ZNF441: variants seen among roughly 807,000 people sequenced by gnomAD.
ZNF441 encodes the protein zinc finger protein 441.
In ZNF441, 25 loss-of-function variants were observed where a neutral mutation model predicts 64.5. The ratio of observed to expected loss-of-function variants is 0.39; its 90% CI spans 0.28 to 0.54. ZNF441 has a LOEUF of 0.54. Ranked by LOEUF, ZNF441 falls within the 20% of genes least tolerant of loss-of-function variation. The pLI, the probability that ZNF441 is intolerant of heterozygous loss-of-function variation, is 0.70. For missense variants in ZNF441, 715 were observed against 843.3 expected (o/e 0.85, Z 1.88); for synonymous variants, 262 against 268.0 (o/e 0.98, Z 0.22).
At chr19:11,773,710 G>T (rs565037890) in intron 1 of ZNF441, among the ~76,000 whole-genome samples, 3 of 152,064 alleles carry the variant, frequency 2.0e-5, no homozygotes, top group African/African-American at 7.2e-5. Context: ...TATCTCCATC[G>T]TGTGTAATTT....
Position 11,767,188 on chromosome 19 carries a change from C to G in ZNF441, c.-6C>G, listed in dbSNP as rs1568478765. 6.4e-7 allele frequency: 1 copy of G among 1,559,532 alleles called. No homozygotes were observed. Among genetic ancestry groups the G allele is most frequent in the Non-Finnish European group, 8.7e-7 (1 of 1,151,760 alleles). On this transcript the variant is annotated 5_prime_UTR_variant, in exon 1 of 4. Transcript: ENST00000357901. The surrounding 1 kb of genome is among the most constrained non-coding windows in gnomAD (Gnocchi z 5.1). ...AGGGAGGAACCTGGACGCCGGAAGC[C>G]GGGAAATGGTGAGTGTGTGAGGTCT...
rs757462107 is a variant in ZNF441 at position 11,781,749 on chromosome 19, C to A, written c.1925C>A (p.Pro642Gln). 6.2e-7 allele frequency: 1 copy of A among 1,613,966 alleles called. No individual in the cohort carries two copies. The stretch of plus-strand genomic sequence containing the variant: ...GAAAGAGTTCATACTGGAGAGAAGC[C>A]GTATAAATGTAAGGAATGTGGGAAA... ...IHERVHTGEK[P>Q]YKCKECGKPF... The change falls in exon 4 of 4, where the codon CCG becomes CAG. Residue 642 changes from proline (P) to glutamine (Q), a missense_variant. Physicochemically the swap from Pro to Gln is moderately conservative, Grantham distance 76 (BLOSUM62 -1). Transcript: ENST00000357901.
chr19:11,782,956 T>C lies in ZNF441; in HGVS notation c.*1050T>C, dbSNP rs1975415754. 6.6e-6 allele frequency: 1 copy of C among 152,134 alleles called. No homozygotes were observed. The highest frequency in any genetic ancestry group is 2.4e-5 in the African/African-American group (1 of 41,430). 9.4% of individuals were successfully genotyped at this position (152,134 alleles called of 1,614,324 possible). A position where few individuals can be genotyped will look rare whatever the true frequency, so the allele number is the denominator to read the frequency against. ...AGATAAAAATAGACAAATGAGACTA[T>C]CTTACACTAAAAAGTAGCTGTGCAA... On this transcript the variant is annotated 3_prime_UTR_variant, in exon 4 of 4. Coordinates refer to ENST00000357901, the MANE Select transcript of ZNF441 (RefSeq NM_152355.3).
At chr19:11,779,869 C>T (rs1975384330) in intron 3 of ZNF441, 150 bp from the exon 4 acceptor site, 2 of 677,966 alleles carry the variant, frequency 3.0e-6, no homozygotes, top group Admixed American at 6.0e-5. Context: ...TGAGATCACA[C>T]CACTACACTC....
At chr19:11,769,411 G>A (rs1975295856) in intron 1 of ZNF441, among the ~76,000 whole-genome samples, 1 of 152,158 alleles carries the variant, frequency 6.6e-6, no homozygotes, top group African/African-American at 2.4e-5. Context: ...ACCTTAAGTA[G>A]ATGCTCTTGT....
At chr19:11,773,632 T>C (rs1025318863) in intron 1 of ZNF441, among the ~76,000 whole-genome samples, 1 of 152,208 alleles carries the variant, frequency 6.6e-6, no homozygotes. Context: ...TTTCATGATC[T>C]GTGTTTATGG....
At position 11,781,641 on chromosome 19, in the gene ZNF441, A is replaced by G. The variant is rs575141619; in HGVS notation, c.1817A>G (p.Glu606Gly). The change falls in exon 4 of 4, where the codon GAA becomes GGA. Residue 606 changes from glutamate (E) to glycine (G), a missense_variant. Glu to Gly is a moderately conservative substitution (Grantham distance 98, BLOSUM62 -2). Transcript: ENST00000357901. ...FDYPSSVQRH[E>G]RTHTGEKPYE... ...TATCCCAGTTCAGTGCAAAGACATG[A>G]AAGAACTCACACTGGAGAGAAACCC... The G allele has an allele frequency of 6.2e-7, 1 of 1,614,160 alleles. No individual in the cohort carries two copies. The highest frequency in any genetic ancestry group is 8.5e-7 in the Non-Finnish European group (1 of 1,180,002).
At chr19:11,773,173 A>G (rs1454677347) in intron 1 of ZNF441, among the ~76,000 whole-genome samples, 1 of 152,090 alleles carries the variant, frequency 6.6e-6, no homozygotes, top group South Asian at 2.1e-4. Flanking sequence ...ACATTGCAAT[A>G]TTTACATTTG....
chr19:11,770,859 G>A (rs1301800644), intron 1 of ZNF441, among the ~76,000 whole-genome samples: 4 of 151,382 alleles, frequency 2.6e-5, no homozygotes, highest in Non-Finnish European at 5.9e-5. Context: ...AAAGTGCTGG[G>A]ATTACATGTG....
At chr19:11,774,931 A>T (rs1418650160) in intron 1 of ZNF441, among the ~76,000 whole-genome samples, 1 of 152,126 alleles carries the variant, frequency 6.6e-6, no homozygotes, top group Non-Finnish European at 1.5e-5. Flanking sequence ...GGAAGGTTTT[A>T]ATTATTCATT....
chr19:11,775,451 T>A (rs1975346723), intron 1 of ZNF441, among the ~76,000 whole-genome samples: 1 of 151,924 alleles, frequency 6.6e-6, no homozygotes, highest in Non-Finnish European at 1.5e-5. Flanking sequence ...TGCCTCAGCC[T>A]CCCGAGTACC....
At position 11,767,398 on chromosome 19, in the gene ZNF441, G is replaced by A. The variant is rs1048552116; in HGVS notation, c.3+202G>A. ...TGTCCCGTCCCTGCGCGGCCACTGC[G>A]GCCCTGGCCCTGGAGGCCTGTCTGG... On this transcript the variant is annotated intron_variant, in intron 1 of 3. Transcript: ENST00000357901. This position sits in a 1 kb window ranked among gnomAD's most constrained non-coding sequence, Gnocchi z 5.1. Among the ~76,000 whole-genome samples the A allele has an allele frequency of 1.6e-4, 24 of 152,232 alleles. No individual in the cohort carries two copies. The highest frequency in any genetic ancestry group is 5.1e-4 in the African/African-American group (21 of 41,462).
Position 11,767,014 on chromosome 19 carries a change from C to A in ZNF441, c.-180C>A. On this transcript the variant is annotated 5_prime_UTR_variant, in exon 1 of 4. The change creates a new upstream start codon in the 5' untranslated region. Coordinates refer to ENST00000357901, the MANE Select transcript of ZNF441 (RefSeq NM_152355.3). This position sits in a 1 kb window ranked among gnomAD's most constrained non-coding sequence, Gnocchi z 5.1. ...TCGTGAGAACTGTCAATCAGGCGCA[C>A]TGACCGGAGGAGGGTGCAAGGTTCA... 2.3e-6 allele frequency: 2 copies of A among 859,324 alleles called. No homozygotes were observed. The highest frequency in any genetic ancestry group is 1.8e-6 in the Non-Finnish European group (1 of 558,714). 53.2% of individuals were successfully genotyped at this position (859,324 alleles called of 1,614,324 possible). A position where few individuals can be genotyped will look rare whatever the true frequency, so the allele number is the denominator to read the frequency against.
intron 1 of ZNF441, among the ~76,000 whole-genome samples, chr19:11,769,876 A>G (rs937588697): frequency 2.6e-5 from 4 of 152,002 alleles, no homozygotes; most frequent in Non-Finnish European, 5.9e-5. Context: ...GTGTTTCACC[A>G]TGTTAGCCAA....
rs1304309200 is a variant in ZNF441, at chr19:11,780,582, A to G, written c.758A>G (p.Gln253Arg). 2 of 1,614,084 alleles carry G rather than the reference A, an allele frequency of 1.2e-6. No individual in the cohort carries two copies. Among genetic ancestry groups the G allele is most frequent in the Admixed American group, 1.7e-5 (1 of 60,012 alleles). The stretch of plus-strand genomic sequence containing the variant: ...ACACACAGTGGAGAGAAACCCTATC[A>G]ATGTAAACAATGTGGGAAAGCCTTC... ...ERTHSGEKPY[Q>R]CKQCGKAFSC... The change falls in exon 4 of 4, where the codon CAA becomes CGA. Residue 253 changes from glutamine (Q) to arginine (R), a missense_variant. Coordinates refer to ENST00000357901, the MANE Select transcript of ZNF441 (RefSeq NM_152355.3).
rs1975387776 is a variant in ZNF441, at chr19:11,780,165, G to A, written c.341G>A (p.Gly114Asp). 1 of 1,614,180 alleles carries A rather than the reference G, an allele frequency of 6.2e-7. No individual in the cohort carries two copies. The highest frequency in any genetic ancestry group is 2.2e-5 in the East Asian group (1 of 44,872). Residue 114 changes from glycine (G) to aspartate (D), a missense_variant, in exon 4 of 4, where the codon GGT (glycine) becomes GAT (aspartate). By Grantham distance (94) the Gly-to-Asp change is moderately conservative (BLOSUM62 -1). Around this residue, in one of 2 missense-constraint regions of ZNF441, gnomAD observed 399 missense variants for 413.9 expected, o/e 0.96. Transcript: ENST00000357901. Reference protein sequence around the residue: ...ESSECTDVLMGRSSLNCYVRV... With the variant: ...ESSECTDVLMDRSSLNCYVRV... ...AGTGAGTGTACAGACGTCCTCATGG[G>A]TCGTTCATCTCTTAATTGCTACGTT...
intron 3 of ZNF441, 49 bp from the exon 4 acceptor site, chr19:11,779,970 A>G: frequency 7.0e-7 from 1 of 1,423,076 alleles, no homozygotes; most frequent in Non-Finnish European, 9.6e-7. Context: ...TATTAATACA[A>G]AATCATTTAT....
rs747803631 is a variant in ZNF441, at chr19:11,781,834, C to G, written c.2010C>G (p.Pro670=). The stretch of plus-strand genomic sequence containing the variant: ...AAAGGACCCACAGTATGGAGAAACC[C>G]TATAAGTGTAAAGAATGTGGGGAAG... ...KHERTHSMEK[P]YKCKECGEAF... is the part of the protein sequence containing the mutation. Residue 670 remains proline, a synonymous_variant, in exon 4 of 4, where the codon CCC becomes CCG. Transcript: ENST00000357901. 6.2e-7 allele frequency: 1 copy of G among 1,613,010 alleles called. No homozygotes were observed. Among genetic ancestry groups the G allele is most frequent in the South Asian group, 1.1e-5 (1 of 91,014 alleles).
At position 11,780,568 on chromosome 19, in the gene ZNF441, A is replaced by C; in HGVS notation, c.744A>C (p.Gly248=). 6.2e-7 allele frequency: 1 copy of C among 1,614,208 alleles called. No individual in the cohort carries two copies. The change falls in exon 4 of 4, where the codon GGA becomes GGC. Residue 248 remains glycine (G), a synonymous_variant. Coordinates refer to ENST00000357901, the MANE Select transcript of ZNF441 (RefSeq NM_152355.3). ...TAAGACATGAAAGAACACACAGTGG[A>C]GAGAAACCCTATCAATGTAAACAAT... ...STLRHERTHS[G]EKPYQCKQCG...
Sources: gnomAD v4.1 joint callset for allele counts (sites outside exome capture counted in the v4.1 genomes callset) on GRCh38, gnomAD v4.1.1 for gene constraint, gnomAD v4.1.1 regional missense constraint, Gnocchi (gnomAD v3.1) non-coding constraint, MANE v1.5 for transcripts, NCBI Gene and HGNC (gene_info 2026-07-23, HGNC 2026-07-21) for gene names.